COL8A1: variants seen among roughly 807,000 people sequenced by gnomAD.
COL8A1 encodes collagen alpha-1(VIII) chain.
In COL8A1, 21 loss-of-function variants were observed where a neutral mutation model predicts 42.7. The ratio of observed to expected loss-of-function variants is 0.49; its 90% CI spans 0.35 to 0.71. The LOEUF (loss-of-function observed/expected upper bound fraction) is 0.71, where lower values mean the gene tolerates loss of function less well. Among genes scored for constraint, COL8A1 ranks in the 30% least tolerant of loss-of-function variants. The pLI is 0.01. For synonymous variants in COL8A1, 367 were observed against 369.1 expected (o/e 0.99, Z 0.06); for missense variants, 788 against 962.4 (o/e 0.82, Z 2.40).
chr3:99,762,039 T>G (rs971567828), intron 2 of COL8A1, among the ~76,000 whole-genome samples: 6 of 152,208 alleles, frequency 3.9e-5, no homozygotes, highest in Admixed American at 1.3e-4. Flanking sequence ...CTCTCTGCTT[T>G]CTTCTGCTTT....
chr3:99,746,660 TA>T (rs1356706755), intron 2 of COL8A1, among the ~76,000 whole-genome samples: 1 of 152,236 alleles, frequency 6.6e-6, no homozygotes, highest in South Asian at 2.1e-4. Context: ...TTTAAGAAAT[TA>T]AGCTCTTTGT....
At chr3:99,656,346 T>C (rs1938022236) in intron 1 of COL8A1, among the ~76,000 whole-genome samples, 1 of 152,202 alleles carries the variant, frequency 6.6e-6, no homozygotes, top group Non-Finnish European at 1.5e-5. Context: ...GAACACATTA[T>C]TAACTTTTTG....
intron 2 of COL8A1, among the ~76,000 whole-genome samples, chr3:99,768,694 G>C (rs1941517683): frequency 6.6e-6 from 1 of 152,180 alleles, no homozygotes; most frequent in African/African-American, 2.4e-5. Context: ...GGTTGGTGCA[G>C]TCCTTGGACA....
intron 1 of COL8A1, among the ~76,000 whole-genome samples, chr3:99,658,841 G>C (rs1490264423): frequency 1.3e-5 from 2 of 152,150 alleles, no homozygotes; most frequent in Admixed American, 6.5e-5. Context: ...AAGCAAACTT[G>C]ATAATCACAT....
intron 1 of COL8A1, among the ~76,000 whole-genome samples, chr3:99,704,032 T>C (rs537143994): frequency 9.1e-4 from 138 of 152,346 alleles, no homozygotes; most frequent in Non-Finnish European, 1.5e-3. Flanking sequence ...TTAGCTTCTT[T>C]CATGATGTGC....
chr3:99,797,924 C>T lies in COL8A1; in HGVS notation c.*1788C>T, dbSNP rs1942132401. On this transcript the variant is annotated 3_prime_UTR_variant, in exon 4 of 4. Coordinates refer to ENST00000652472, the MANE Select transcript of COL8A1 (RefSeq NM_020351.4). ...GGCATTCTAATCTGGTCTCCAAACA[C>T]CAAAGACCCATTTCGAGCCTGCTAT... 1 of 152,184 alleles carries T rather than the reference C, an allele frequency of 6.6e-6. No homozygotes were observed. Among genetic ancestry groups the T allele is most frequent in the Non-Finnish European group, 1.5e-5 (1 of 68,044 alleles). The allele number at this position is 152,184 out of a possible 1,614,324, so 9.4% of individuals were successfully genotyped here.
chr3:99,787,361 T>C (rs1941916669), intron 2 of COL8A1, among the ~76,000 whole-genome samples: 1 of 152,210 alleles, frequency 6.6e-6, no homozygotes, highest in Non-Finnish European at 1.5e-5. Context: ...CTGCCTTGGT[T>C]CAGCTGTTCT....
intron 1 of COL8A1, among the ~76,000 whole-genome samples, chr3:99,729,493 T>G (rs990736343): frequency 5.3e-5 from 8 of 151,864 alleles, no homozygotes; most frequent in African/African-American, 1.9e-4. Flanking sequence ...AAAATTAAGG[T>G]CTCTCTAAAC....
chr3:99,744,922 T>C lies in COL8A1; in HGVS notation c.-103T>C, dbSNP rs1321640536. ...AAGCTGTTGTGAAGGCAGAGCAGCA[T>C]CTGCTGAAGAGACAGAAACCAGCCC... On this transcript the variant is annotated 5_prime_UTR_variant, in exon 2 of 4. Transcript: ENST00000652472. The C allele has an allele frequency of 6.6e-6, 1 of 152,230 alleles. No homozygotes were observed. The highest frequency in any genetic ancestry group is 2.4e-5 in the African/African-American group (1 of 41,456). The allele number at this position is 152,230 out of a possible 1,614,324, so 9.4% of individuals were successfully genotyped here.
chr3:99,772,430 T>C (rs1941597900), intron 2 of COL8A1, among the ~76,000 whole-genome samples: 1 of 151,948 alleles, frequency 6.6e-6, no homozygotes, highest in African/African-American at 2.4e-5. Flanking sequence ...ACACCAAGAG[T>C]GAACACTAAT....
At chr3:99,724,705 A>G (rs542500965) in intron 1 of COL8A1, among the ~76,000 whole-genome samples, 15 of 152,092 alleles carry the variant, frequency 9.9e-5, no homozygotes, top group Admixed American at 2.0e-4. Flanking sequence ...AAAAATTCCA[A>G]TGCTTTTTCA....
In COL8A1 at chr3:99,795,693, C is replaced by T; in HGVS notation, c.1792C>T (p.Pro598Ser). Residue 598 changes from proline (P) to serine (S), a missense_variant, in exon 4 of 4, where the codon CCC (proline) becomes TCC (serine). Around this residue, in one of 4 missense-constraint regions of COL8A1, gnomAD observed 212 missense variants for 210.9 expected, o/e 1.00. Coordinates refer to ENST00000652472, the MANE Select transcript of COL8A1 (RefSeq NM_020351.4). ...GCTGGGAATTGATGGCGTGAAACCCCCCCATGCCTACGGGGCTAAGAAAGG... is the reference window on the plus strand; with the variant it reads ...GCTGGGAATTGATGGCGTGAAACCCTCCCATGCCTACGGGGCTAAGAAAGG... ...MGLGIDGVKP[P>S]HAYGAKKGKN... 6.2e-7 allele frequency: 1 copy of T among 1,614,108 alleles called. No individual in the cohort carries two copies. Among genetic ancestry groups the T allele is most frequent in the African/African-American group, 1.3e-5 (1 of 75,012 alleles).
At chr3:99,736,398 A>G (rs1344588832) in intron 1 of COL8A1, among the ~76,000 whole-genome samples, 1 of 151,482 alleles carries the variant, frequency 6.6e-6, no homozygotes, top group Non-Finnish European at 1.5e-5. Context: ...TTTTATTATT[A>G]TACTTTAAGT....
chr3:99,789,771 A>G (rs1941964800), intron 2 of COL8A1, among the ~76,000 whole-genome samples: 1 of 152,082 alleles, frequency 6.6e-6, no homozygotes. Flanking sequence ...TATTCATACA[A>G]CTCTTGCTTT....
At chr3:99,684,083 C>A (rs1208513669) in intron 1 of COL8A1, among the ~76,000 whole-genome samples, 3 of 152,052 alleles carry the variant, frequency 2.0e-5, no homozygotes, top group Non-Finnish European at 2.9e-5. Flanking sequence ...TCAGTGCTCT[C>A]GGGTCTGAAA....
intron 1 of COL8A1, among the ~76,000 whole-genome samples, chr3:99,698,248 G>T (rs2107343441): frequency 6.6e-6 from 1 of 152,292 alleles, no homozygotes; most frequent in East Asian, 1.9e-4. Flanking sequence ...CCAAGTCTTT[G>T]CTATAGTGAA....
At chr3:99,676,248 A>T (rs1375695693) in intron 1 of COL8A1, among the ~76,000 whole-genome samples, 1 of 152,160 alleles carries the variant, frequency 6.6e-6, no homozygotes, top group Non-Finnish European at 1.5e-5. Context: ...TTGAAGATGA[A>T]ATAACACCAA....
intron 1 of COL8A1, among the ~76,000 whole-genome samples, chr3:99,703,788 G>A (rs559776144): frequency 1.3e-5 from 2 of 152,326 alleles, no homozygotes; most frequent in South Asian, 2.1e-4. Flanking sequence ...TTTGCTTTCA[G>A]TGATCTCTCT....
chr3:99,791,443 A>T (rs1252142295), intron 3 of COL8A1, among the ~76,000 whole-genome samples: 1 of 152,232 alleles, frequency 6.6e-6, no homozygotes, highest in Admixed American at 6.5e-5. Flanking sequence ...TTAAAAGAAA[A>T]GTCACAGGAA....
Sources: allele counts gnomAD v4.1 joint callset (sites outside exome capture counted in the v4.1 genomes callset), GRCh38; gene constraint gnomAD v4.1.1; regional missense constraint gnomAD v4.1.1; transcripts MANE v1.5; gene names NCBI Gene and HGNC (gene_info 2026-07-23, HGNC 2026-07-21).